Variants in PRCP observed in about 807,000 individuals in gnomAD.
PRCP encodes lysosomal Pro-X carboxypeptidase.
In PRCP, 46 loss-of-function variants were observed where a neutral mutation model predicts 54.2. The observed-to-expected ratio is 0.85, with a 90% CI of 0.67 to 1.09. PRCP has a LOEUF of 1.09. PRCP is among the 50% of genes least tolerant of loss of function. The probability of loss-of-function intolerance (pLI) is 0.00; values close to 1 mark genes in which losing one functional copy is unlikely to be tolerated. For missense variants in PRCP, 613 were observed against 596.8 expected (o/e 1.03, Z -0.28); for synonymous variants, 240 against 212.2 (o/e 1.13, Z -1.14).
chr11:82,891,350 C>T (rs754629451), intron 1 of PRCP, among the ~76,000 whole-genome samples: 2 of 152,192 alleles, frequency 1.3e-5, no homozygotes, highest in African/African-American at 2.4e-5. Flanking sequence ...AAGCCACCAT[C>T]GTCTCTAATC....
Position 82,853,246 on chromosome 11 carries a change from T to C in PRCP, c.342A>G (p.Lys114=). ...GFMWDVAEEL[K]AMLVFAEHRY... is the part of the protein sequence containing the mutation. ...GATGTTCAGCAAACACCAACATAGC[T>C]TTCAGTTCCTCAGCCACATCCCACA... Residue 114 remains lysine (K), a synonymous_variant, in exon 3 of 9, where the codon AAA becomes AAG. Transcript: ENST00000313010. 1.2e-6 allele frequency: 2 copies of C among 1,613,320 alleles called. No individual in the cohort carries two copies. Among genetic ancestry groups the C allele is most frequent in the Non-Finnish European group, 1.7e-6 (2 of 1,179,496 alleles).
intron 1 of PRCP, among the ~76,000 whole-genome samples, chr11:82,888,107 G>C (rs1049656173): frequency 2.6e-5 from 4 of 152,128 alleles, no homozygotes; most frequent in African/African-American, 9.7e-5. Context: ...TTGTTAAACT[G>C]TATTTTATTA....
intron 1 of PRCP, among the ~76,000 whole-genome samples, chr11:82,863,774 A>C (rs952151499): frequency 1.3e-5 from 2 of 152,250 alleles, no homozygotes; most frequent in African/African-American, 4.8e-5. Context: ...CAAGAACTTC[A>C]GAACCAGAGA....
In PRCP at chr11:82,897,476, G is replaced by A. The variant is rs555267812; in HGVS notation, c.168+2759C>T. ...GAGGGACACATACAATATAGTAAAT[G>A]TGCAGGATGAAAAAAGACCAACTAA... On this transcript the variant is annotated intron_variant, in intron 1 of 8. Transcript: ENST00000313010. 1.6e-4 allele frequency among the ~76,000 whole-genome samples: 25 copies of A among 152,294 alleles called. No homozygotes were observed. In the South Asian group the frequency reaches 5.2e-3, roughly 32 times the overall value.
At chr11:82,899,320 G>C (rs954830212) in intron 1 of PRCP, among the ~76,000 whole-genome samples, 6 of 152,176 alleles carry the variant, frequency 3.9e-5, no homozygotes, top group African/African-American at 1.4e-4. Flanking sequence ...CAAACCCCAA[G>C]AGATCAAGGA....
At chr11:82,832,122 G>T (rs1858401198) in intron 8 of PRCP, among the ~76,000 whole-genome samples, 1 of 152,124 alleles carries the variant, frequency 6.6e-6, no homozygotes, top group South Asian at 2.1e-4. Flanking sequence ...AATCATTGAT[G>T]GGTATTTGGG....
chr11:82,834,753 G>A (rs1034100406), intron 8 of PRCP, among the ~76,000 whole-genome samples: 4 of 152,208 alleles, frequency 2.6e-5, no homozygotes, highest in Admixed American at 2.6e-4. Context: ...CTGTCAGTGG[G>A]TGGAGTAGGG....
intron 6 of PRCP, 126 bp downstream of exon 6, chr11:82,848,923 G>T: frequency 1.1e-6 from 1 of 949,910 alleles, no homozygotes. Context: ...CAGGATTCCA[G>T]CTCAAGTTTG....
intron 1 of PRCP, among the ~76,000 whole-genome samples, chr11:82,865,030 C>T (rs1859298747): frequency 6.6e-6 from 1 of 152,176 alleles, no homozygotes; most frequent in African/African-American, 2.4e-5. Flanking sequence ...GTGTCTGCCA[C>T]AGTGCTGTTG....
chr11:82,848,922 A>C, intron 6 of PRCP, 127 bp downstream of exon 6: 1 of 935,082 alleles, frequency 1.1e-6, no homozygotes, highest in Non-Finnish European at 1.6e-6. Context: ...CCAGGATTCC[A>C]GCTCAAGTTT....
At chr11:82,841,058 A>ATATATATATATAAATAAT (rs1178732590) in intron 6 of PRCP, among the ~76,000 whole-genome samples, 2 of 149,616 alleles carry the variant, frequency 1.3e-5, no homozygotes, top group African/African-American at 5.0e-5. Flanking sequence ...TATATAATAG[A>ATATATATATATAAATAAT]CTAGTCCTGA....
At position 82,849,192 on chromosome 11, in the gene PRCP, C is replaced by G; in HGVS notation, c.778G>C (p.Ala260Pro). 2 of 1,614,044 alleles carry G rather than the reference C, an allele frequency of 1.2e-6. No individual in the cohort carries two copies. The highest frequency in any genetic ancestry group is 1.7e-6 in the Non-Finnish European group (2 of 1,179,944). The change falls in exon 6 of 9, where the codon GCC becomes CCC. Residue 260 changes from alanine to proline, a missense_variant. By Grantham distance (27) the Ala-to-Pro change is conservative. Transcript: ENST00000313010. ...TGSGLQWLTG[A>P]LHLCSPLTSQ... is the part of the protein sequence containing the mutation. ...GTTAATGGGCTGCATAAGTGAAGGG[C>G]TCCAGTAAGCCACTGCAAACCACTG...
rs770244598 is a variant in PRCP at position 82,860,079 on chromosome 11, A to C, written c.207T>G (p.Asn69Lys). The C allele has an allele frequency of 6.4e-7, 1 of 1,565,982 alleles. No individual in the cohort carries two copies. The highest frequency in any genetic ancestry group is 1.2e-5 in the South Asian group (1 of 83,434). Residue 69 changes from asparagine (N) to lysine (K), a missense_variant, in exon 2 of 9, where the codon AAT becomes AAG. Transcript: ENST00000313010. ...ATTTATCAGCTACTAGGTACCGCTG[A>C]TTAAAAGTTTTCACAGTATTAAATC... ...HFGFNTVKTF[N>K]QRYLVADKYW...
chr11:82,869,917 G>C (rs1859439466), intron 1 of PRCP, among the ~76,000 whole-genome samples: 1 of 152,312 alleles, frequency 6.6e-6, no homozygotes, highest in African/African-American at 2.4e-5. Context: ...ATAACATTTG[G>C]ACTGCTGAGG....
In PRCP at chr11:82,849,956, T is replaced by G; in HGVS notation, c.709A>C (p.Ile237Leu). The G allele has an allele frequency of 6.5e-7, 1 of 1,533,160 alleles. No homozygotes were observed. Among genetic ancestry groups the G allele is most frequent in the Non-Finnish European group, 8.8e-7 (1 of 1,137,942 alleles). 95.0% of individuals were successfully genotyped at this position (1,533,160 alleles called of 1,614,324 possible). A position where few individuals can be genotyped will look rare whatever the true frequency, so the allele number is the denominator to read the frequency against. Reference protein sequence around the residue: ...RKSGPHCSESIHRSWDAINRL... With the variant: ...RKSGPHCSESLHRSWDAINRL... ...TTAATGGCATCCCAGGACCTGTGGA[T>G]GCTCTCTGAACAATGTGGACCGCTT... Residue 237 changes from isoleucine to leucine, a missense_variant, in exon 5 of 9, where the codon ATC becomes CTC. Physicochemically the swap from Ile to Leu is conservative, Grantham distance 5 (BLOSUM62 2). Coordinates refer to ENST00000313010, the MANE Select transcript of PRCP (RefSeq NM_005040.4).
At chr11:82,885,122 G>C (rs1388983742) in intron 1 of PRCP, among the ~76,000 whole-genome samples, 1 of 152,186 alleles carries the variant, frequency 6.6e-6, no homozygotes, top group Admixed American at 6.5e-5. Flanking sequence ...AAACAGGGTA[G>C]TGTCTTCGTG....
intron 1 of PRCP, among the ~76,000 whole-genome samples, chr11:82,866,468 G>A (rs964078289): frequency 6.6e-6 from 1 of 152,140 alleles, no homozygotes; most frequent in African/African-American, 2.4e-5. Flanking sequence ...CCAGGAGACA[G>A]AACTGCATTC....
At chr11:82,866,253 C>T (rs1365973541) in intron 1 of PRCP, among the ~76,000 whole-genome samples, 2 of 152,178 alleles carry the variant, frequency 1.3e-5, no homozygotes, top group African/African-American at 4.8e-5. Flanking sequence ...GAAATGTTTA[C>T]AAGTCCCTCC....
intron 8 of PRCP, chr11:82,835,443 T>G: frequency 5.4e-6 from 1 of 185,778 alleles, no homozygotes; most frequent in Non-Finnish European, 1.1e-5. Context: ...GGAGCAGCAA[T>G]GCTGCCAGGG....
Sources: allele counts gnomAD v4.1 joint callset (sites outside exome capture counted in the v4.1 genomes callset), GRCh38; gene constraint gnomAD v4.1.1; transcripts MANE v1.5; gene names NCBI Gene and HGNC (gene_info 2026-07-23, HGNC 2026-07-21).